Variants in ACVR1 observed in about 807,000 individuals in gnomAD.
ACVR1 encodes activin A receptor type 1.
Under a neutral mutation model 57.1 loss-of-function variants are expected in ACVR1, and 38 were observed. The ratio of observed to expected loss-of-function variants is 0.67; its 90% CI spans 0.51 to 0.87. The LOEUF is 0.87. Among genes scored for constraint, ACVR1 ranks in the 40% least tolerant of loss-of-function variants. The probability of loss-of-function intolerance (pLI) is 0.00; values close to 1 mark genes in which losing one functional copy is unlikely to be tolerated. For missense variants in ACVR1, 463 were observed against 638.2 expected, an observed-to-expected ratio of 0.73 and a Z score of 2.96; for synonymous variants, 212 against 228.1, an observed-to-expected ratio of 0.93 and a Z score of 0.63.
chr2:157,823,344 C>T (rs1688222881), intron 1 of ACVR1, among the ~76,000 whole-genome samples: 2 of 152,104 alleles, frequency 1.3e-5, no homozygotes, highest in Admixed American at 1.3e-4. Context: ...ATATATATTT[C>T]CCAAGAAATC....
At chr2:157,768,237 ATGCT>A (rs1685942806) in intron 7 of ACVR1, among the ~76,000 whole-genome samples, 1 of 151,976 alleles carries the variant, frequency 6.6e-6, no homozygotes, top group African/African-American at 2.4e-5. Flanking sequence ...TTTCCCCTCG[ATGCT>A]GCTTCTCTTG....
At chr2:157,808,879 T>TAAA (rs71404307) in intron 2 of ACVR1, among the ~76,000 whole-genome samples, 7 of 137,978 alleles carry the variant, frequency 5.1e-5, no homozygotes, top group Non-Finnish European at 4.6e-5. Flanking sequence ...GTAATACATT[T>TAAA]AAAAAAAAAA....
intron 1 of ACVR1, among the ~76,000 whole-genome samples, chr2:157,820,534 AT>A (rs1688125777): frequency 6.7e-6 from 1 of 150,030 alleles, no homozygotes; most frequent in African/African-American, 2.5e-5. Context: ...ACTGGTATAT[AT>A]TTTTCTGATT....
chr2:157,760,077 G>T (rs1574029912), intron 9 of ACVR1, among the ~76,000 whole-genome samples: 1 of 152,136 alleles, frequency 6.6e-6, no homozygotes, highest in Admixed American at 6.5e-5. Flanking sequence ...ATTCAAAATA[G>T]TACTAGAAGT....
chr2:157,798,927 C>T (rs1687220554), intron 3 of ACVR1, among the ~76,000 whole-genome samples: 1 of 150,960 alleles, frequency 6.6e-6, no homozygotes, highest in Non-Finnish European at 1.5e-5. Flanking sequence ...GACAGAGTCT[C>T]GCTCTGTTGC....
At position 157,760,946 on chromosome 2, in the gene ACVR1, T is replaced by C. The variant is rs1064796674; in HGVS notation, c.1198A>G (p.Lys400Glu). 6.2e-7 allele frequency: 1 copy of C among 1,614,134 alleles called. No individual in the cohort carries two copies. Among genetic ancestry groups the C allele is most frequent in the Non-Finnish European group, 8.5e-7 (1 of 1,180,004 alleles). The change falls in exon 9 of 11, where the codon AAA becomes GAA. Residue 400 changes from lysine (K) to glutamate (E), a missense_variant. Transcript: ENST00000434821. ...TIQVDCFDSY[K>E]RVDIWAFGLV... is the part of the protein sequence containing the mutation. ...CCAAAGGCCCAAATATCGACCCTTT[T>C]ATAAGAATCGAAACAATCCACCTGG...
intron 1 of ACVR1, among the ~76,000 whole-genome samples, chr2:157,854,802 G>C (rs1200972448): frequency 6.6e-6 from 1 of 151,856 alleles, no homozygotes; most frequent in Non-Finnish European, 1.5e-5. Context: ...CACTTTGGGA[G>C]GCTGAGGTGT....
chr2:157,788,423 C>T (rs1384587476), intron 3 of ACVR1, among the ~76,000 whole-genome samples: 1 of 152,134 alleles, frequency 6.6e-6, no homozygotes, highest in African/African-American at 2.4e-5. Flanking sequence ...TCCAGCGTAC[C>T]CACACTGTAG....
intron 1 of ACVR1, among the ~76,000 whole-genome samples, chr2:157,839,594 G>A (rs1688909452): frequency 6.6e-6 from 1 of 152,184 alleles, no homozygotes; most frequent in South Asian, 2.1e-4. Context: ...ACTCTTTGAT[G>A]TAATGGCGTA....
At chr2:157,784,201 G>A (rs1490303940) in intron 3 of ACVR1, among the ~76,000 whole-genome samples, 1 of 152,138 alleles carries the variant, frequency 6.6e-6, no homozygotes, top group Non-Finnish European at 1.5e-5. Context: ...GGGAGTGGGG[G>A]TGGGGTTCGA....
At chr2:157,782,377 T>C (rs964228081) in intron 3 of ACVR1, among the ~76,000 whole-genome samples, 3 of 152,222 alleles carry the variant, frequency 2.0e-5, no homozygotes, top group East Asian at 3.8e-4. Context: ...AGTCTATGTA[T>C]GTCACCAGTC....
chr2:157,794,973 G>C (rs564920597), intron 3 of ACVR1, among the ~76,000 whole-genome samples: 1 of 151,100 alleles, frequency 6.6e-6, no homozygotes, highest in African/African-American at 2.4e-5. Flanking sequence ...CGGAGACAAA[G>C]GGGTAAAAGT....
intron 9 of ACVR1, among the ~76,000 whole-genome samples, chr2:157,754,119 A>T (rs1206118616): frequency 2.0e-5 from 3 of 152,226 alleles, no homozygotes; most frequent in Non-Finnish European, 4.4e-5. Flanking sequence ...TAGTGCTAAG[A>T]GGAAAGTTCA....
At position 157,804,403 on chromosome 2, in the gene ACVR1, ACAG is replaced by A. The variant is rs1420756381; in HGVS notation, c.-7-4906_-7-4904del. ...AATGTTGGAATAATATTTTATGAAT[ACAG>A]CTAAATATTTTTGAAATGGGATATA... On this transcript the variant is annotated intron_variant, in intron 2 of 10. Coordinates refer to ENST00000434821, the MANE Select transcript of ACVR1 (RefSeq NM_001111067.4). Among the ~76,000 whole-genome samples the A allele has an allele frequency of 2.6e-5, 4 of 152,348 alleles. No individual in the cohort carries two copies. In the East Asian group the frequency reaches 5.8e-4, roughly 22 times the overall value.
At chr2:157,752,108 T>C (rs1297738919) in intron 9 of ACVR1, among the ~76,000 whole-genome samples, 3 of 152,196 alleles carry the variant, frequency 2.0e-5, no homozygotes. Context: ...CTGAGAGACC[T>C]GAAGACAGTT....
At chr2:157,793,459 C>T (rs1003539992) in intron 3 of ACVR1, among the ~76,000 whole-genome samples, 6 of 152,120 alleles carry the variant, frequency 3.9e-5, no homozygotes. Context: ...TCACAGCTCA[C>T]CTTGCATCAA....
intron 8 of ACVR1, among the ~76,000 whole-genome samples, chr2:157,761,694 C>T (rs1433325978): frequency 2.6e-5 from 4 of 152,184 alleles, no homozygotes; most frequent in Non-Finnish European, 4.4e-5. Flanking sequence ...GGTTAAATGG[C>T]TTTCAAATGC....
At position 157,789,211 on chromosome 2, in the gene ACVR1, C is replaced by T. The variant is rs375450387; in HGVS notation, c.68-8611G>A. Reference sequence around the variant, plus strand: ...AGAAAGGCTCCAGGTGCCTACACTCCAGGTAGAAACAGAAAGCATCTCATT... The same window carrying T: ...AGAAAGGCTCCAGGTGCCTACACTCTAGGTAGAAACAGAAAGCATCTCATT... On this transcript the variant is annotated intron_variant, in intron 3 of 10. Transcript: ENST00000434821. 1.6e-4 allele frequency among the ~76,000 whole-genome samples: 24 copies of T among 152,294 alleles called. No individual in the cohort carries two copies. The East Asian group carries it at 4.6e-3, about 29-fold the overall frequency.
intron 1 of ACVR1, among the ~76,000 whole-genome samples, chr2:157,870,463 A>C (rs981210075): frequency 4.6e-5 from 7 of 152,232 alleles, no homozygotes; most frequent in Admixed American, 3.9e-4. Flanking sequence ...TTCAGCCCTT[A>C]AAAATCTCTC....
Sources: allele counts gnomAD v4.1 joint callset (sites outside exome capture counted in the v4.1 genomes callset), GRCh38; gene constraint gnomAD v4.1.1; transcripts MANE v1.5; gene names NCBI Gene and HGNC (gene_info 2026-07-23, HGNC 2026-07-21).